STAT4: variants seen among roughly 807,000 people sequenced by gnomAD.
The protein encoded by STAT4 is signal transducer and activator of transcription 4.
A neutral mutation model predicts 110.5 loss-of-function variants in STAT4; 42 were observed. That is an observed-to-expected ratio of 0.38 (90% CI 0.30 to 0.49). The LOEUF (loss-of-function observed/expected upper bound fraction) is 0.49. STAT4 is among the 20% of genes least tolerant of loss of function. The pLI is 0.95. For synonymous variants in STAT4, 284 were observed against 302.2 expected, an observed-to-expected ratio of 0.94 and a Z score of 0.63; for missense variants, 632 against 887.9, an observed-to-expected ratio of 0.71 and a Z score of 3.66.
At chr2:191,095,427 C>T (rs753167067) in intron 3 of STAT4, among the ~76,000 whole-genome samples, 52 of 152,126 alleles carry the variant, frequency 3.4e-4, no homozygotes, top group Non-Finnish European at 5.9e-4. Context: ...CAGACCACAG[C>T]GCAATCAAAT....
chr2:191,031,545 GAA>G lies in STAT4; in HGVS notation c.2045-31_2045-30del. 1 of 1,585,606 alleles carries G rather than the reference GAA, an allele frequency of 6.3e-7. No individual in the cohort carries two copies. Among genetic ancestry groups the G allele is most frequent in the Non-Finnish European group, 8.6e-7 (1 of 1,161,830 alleles). On this transcript the variant is annotated intron_variant, in intron 21 of 23. Coordinates refer to ENST00000392320, the MANE Select transcript of STAT4 (RefSeq NM_003151.4). The surrounding 1 kb of genome is among the most constrained non-coding windows in gnomAD (Gnocchi z 4.8). ...GAAAACAAAAAGGCACAATGTTGGG[GAA>G]AAAAATGTCAATATTATCAATAAAA...
intron 1 of STAT4, among the ~76,000 whole-genome samples, chr2:191,149,353 T>TA (rs34160352): frequency 2.6e-5 from 4 of 152,076 alleles, no homozygotes; most frequent in African/African-American, 4.8e-5. Flanking sequence ...TTAAAATTTA[T>TA]AAAAAAACGT....
Position 191,146,228 on chromosome 2 carries a change from T to A in STAT4, c.273+385A>T, listed in dbSNP as rs117155284. On this transcript the variant is annotated intron_variant, in intron 3 of 23. Coordinates refer to ENST00000392320, the MANE Select transcript of STAT4 (RefSeq NM_003151.4). The surrounding 1 kb of genome is among the most constrained non-coding windows in gnomAD (Gnocchi z 4.5). ...TCTGTAAGAATACATTCACTCATGA[T>A]GCTCTCATTTAGGAATGAGAACAAT... is the stretch of plus-strand genomic sequence containing the variant. Among the ~76,000 whole-genome samples the A allele has an allele frequency of 7.0e-4, 107 of 152,300 alleles. No individual in the cohort carries two copies. In the East Asian group the frequency reaches 0.019, roughly 27 times the overall value.
rs372012413 is a variant in STAT4 at position 191,076,247 on chromosome 2, C to T, written c.352G>A (p.Ala118Thr). Residue 118 changes from alanine to threonine, a missense_variant, in exon 4 of 24, where the codon GCA becomes ACA. Coordinates refer to ENST00000392320, the MANE Select transcript of STAT4 (RefSeq NM_003151.4). ...ATTACCTGGACAGGCATGTTGGCTG[C>T]AGCCAATATTCTCCTCTCTTCCCTT... ...CLREERRILAAANMPVQGPLE... is the reference protein window; with the variant it reads ...CLREERRILATANMPVQGPLE... The T allele has an allele frequency of 9.9e-6, 16 of 1,613,402 alleles. No homozygotes were observed. The highest frequency in any genetic ancestry group is 1.4e-5 in the Non-Finnish European group (16 of 1,179,744).
rs961161444 is a variant in STAT4, at chr2:191,031,386, C to T, written c.2111+64G>A. The stretch of plus-strand genomic sequence containing the variant: ...TCTCAGTTATGTGTACTCTGCTCTA[C>T]CTTTAAATCTCCTATAGGAAAGCTT... On this transcript the variant is annotated intron_variant, in intron 22 of 23. Transcript: ENST00000392320. The surrounding 1 kb of genome is among the most constrained non-coding windows in gnomAD (Gnocchi z 4.8). 1 of 1,507,290 alleles carries T rather than the reference C, an allele frequency of 6.6e-7. No individual in the cohort carries two copies. The highest frequency in any genetic ancestry group is 9.1e-7 in the Non-Finnish European group (1 of 1,096,982). 93.4% of individuals were successfully genotyped at this position (1,507,290 alleles called of 1,614,324 possible).
At chr2:191,067,230 T>C (rs1477958243) in intron 6 of STAT4, among the ~76,000 whole-genome samples, 6 of 152,048 alleles carry the variant, frequency 3.9e-5, no homozygotes, top group Non-Finnish European at 8.8e-5. Flanking sequence ...TTTATTGACA[T>C]AGTGGTGGGG....
chr2:191,073,255 C>G (rs778776782), intron 4 of STAT4, 65 bp from the exon 5 acceptor site: 13 of 1,335,458 alleles, frequency 9.7e-6, no homozygotes, highest in Non-Finnish European at 1.3e-5. Flanking sequence ...GCAATACATA[C>G]CGCATACAAT....
At chr2:191,085,066 A>T (rs1188768685) in intron 3 of STAT4, among the ~76,000 whole-genome samples, 1 of 151,560 alleles carries the variant, frequency 6.6e-6, no homozygotes, top group African/African-American at 2.4e-5. Flanking sequence ...AAAAAAAAAA[A>T]TGGGAGAGAG....
At position 191,032,775 on chromosome 2, in the gene STAT4, C is replaced by A; in HGVS notation, c.2044+183G>T. The A allele has an allele frequency of 4.9e-6, 3 of 610,022 alleles. No individual in the cohort carries two copies. Among genetic ancestry groups the A allele is most frequent in the South Asian group, 2.3e-5 (1 of 43,762 alleles). The allele number at this position is 610,022 out of a possible 1,614,324, so 37.8% of individuals were successfully genotyped here. A position where few individuals can be genotyped will look rare whatever the true frequency, so the allele number is the denominator to read the frequency against. On this transcript the variant is annotated intron_variant, in intron 21 of 23. Transcript: ENST00000392320. This position sits in a 1 kb window ranked among gnomAD's most constrained non-coding sequence, Gnocchi z 4.9. ...TACTCGCTAGTGTTAGAAAGCCCAG[C>A]GGTCCCTTTTCAGGAACTGCTGACA... is the stretch of plus-strand genomic sequence containing the variant.
intron 16 of STAT4, among the ~76,000 whole-genome samples, chr2:191,038,656 C>T (rs1696108485): frequency 6.6e-6 from 1 of 152,148 alleles, no homozygotes; most frequent in Non-Finnish European, 1.5e-5. Flanking sequence ...TGCTTTGTGA[C>T]TTGAGGCCAA....
chr2:191,058,916 A>T lies in STAT4; in HGVS notation c.1035-147T>A, dbSNP rs1213414301. ...CTACAGTTATATGTTAGTGTGTTTTAAAAATGTATAATGCCTCTTTAGTTT... is the reference window on the plus strand; with the variant it reads ...CTACAGTTATATGTTAGTGTGTTTTTAAAATGTATAATGCCTCTTTAGTTT... On this transcript the variant is annotated intron_variant, in intron 10 of 23. Transcript: ENST00000392320. The surrounding 1 kb of genome is among the most constrained non-coding windows in gnomAD (Gnocchi z 4.3). 7.5e-6 allele frequency: 4 copies of T among 533,544 alleles called. No individual in the cohort carries two copies. The highest frequency in any genetic ancestry group is 1.3e-5 in the Non-Finnish European group (4 of 304,798). 33.1% of individuals were successfully genotyped at this position (533,544 alleles called of 1,614,324 possible). A position where few individuals can be genotyped will look rare whatever the true frequency, so the allele number is the denominator to read the frequency against.
At position 191,043,226 on chromosome 2, in the gene STAT4, TAA is replaced by T. The variant is rs902559467; in HGVS notation, c.1252-2080_1252-2079del. ...TAATAAAGAACCACTTAAAATATAATAAGAGAAATAGACAAGTCAGTAAAAAG... is the reference window on the plus strand; with the variant it reads ...TAATAAAGAACCACTTAAAATATAATGAGAAATAGACAAGTCAGTAAAAAG... On this transcript the variant is annotated intron_variant, in intron 14 of 23. Transcript: ENST00000392320. This position sits in a 1 kb window ranked among gnomAD's most constrained non-coding sequence, Gnocchi z 4.8. Among the ~76,000 whole-genome samples the T allele has an allele frequency of 6.6e-6, 1 of 151,730 alleles. No individual in the cohort carries two copies. The highest frequency in any genetic ancestry group is 1.5e-5 in the Non-Finnish European group (1 of 67,948).
chr2:191,077,730 T>C lies in STAT4; in HGVS notation c.274-1405A>G, dbSNP rs1697355628. On this transcript the variant is annotated intron_variant, in intron 3 of 23. Transcript: ENST00000392320. The surrounding 1 kb of genome is among the most constrained non-coding windows in gnomAD (Gnocchi z 4.1). ...CTTCTATTTGTTTTATTAAATGATG[T>C]ATGTTAATTACCACTTCTATTTGTA... Among the ~76,000 whole-genome samples the C allele has an allele frequency of 6.6e-6, 1 of 152,236 alleles. No individual in the cohort carries two copies. The highest frequency in any genetic ancestry group is 1.5e-5 in the Non-Finnish European group (1 of 68,034).
At position 191,061,844 on chromosome 2, in the gene STAT4, G is replaced by A. The variant is rs529629796; in HGVS notation, c.942-23C>T. ...GAGCTAGATGAAAAGGAAATAAAGC[G>A]CATCATTTGAAAACACTGAAAATAT... On this transcript the variant is annotated intron_variant, in intron 9 of 23. Coordinates refer to ENST00000392320, the MANE Select transcript of STAT4 (RefSeq NM_003151.4). The surrounding 1 kb of genome is among the most constrained non-coding windows in gnomAD (Gnocchi z 6.2). The A allele has an allele frequency of 5.4e-5, 87 of 1,601,758 alleles. No homozygotes were observed. Among genetic ancestry groups the A allele is most frequent in the African/African-American group, 1.9e-4 (14 of 74,420 alleles).
chr2:191,036,012 A>G lies in STAT4; in HGVS notation c.1570+152T>C. 4 of 980,154 alleles carry G rather than the reference A, an allele frequency of 4.1e-6. No homozygotes were observed. The South Asian group carries it at 5.5e-5, about 13-fold the overall frequency. 60.7% of individuals were successfully genotyped at this position (980,154 alleles called of 1,614,324 possible). A position where few individuals can be genotyped will look rare whatever the true frequency, so the allele number is the denominator to read the frequency against. ...GACTTTCCTGAGAATTAAAAATAATATAACACTTAGTTCTGTGCCTGGCAA... is the reference window on the plus strand; with the variant it reads ...GACTTTCCTGAGAATTAAAAATAATGTAACACTTAGTTCTGTGCCTGGCAA... On this transcript the variant is annotated intron_variant, in intron 17 of 23. Coordinates refer to ENST00000392320, the MANE Select transcript of STAT4 (RefSeq NM_003151.4).
Position 191,058,169 on chromosome 2 carries a change from A to T in STAT4, c.1112+33T>A, listed in dbSNP as rs766376963. 12 of 1,613,968 alleles carry T rather than the reference A, an allele frequency of 7.4e-6. No homozygotes were observed. Among genetic ancestry groups the T allele is most frequent in the Non-Finnish European group, 1.0e-5 (12 of 1,179,886 alleles). ...TCAGGTAAAATAAATTTACAAGAGC[A>T]GCAACAAAGTTTCCACAAAGTAAAT... On this transcript the variant is annotated intron_variant, in intron 12 of 23. Coordinates refer to ENST00000392320, the MANE Select transcript of STAT4 (RefSeq NM_003151.4). This position sits in a 1 kb window ranked among gnomAD's most constrained non-coding sequence, Gnocchi z 4.3.
Position 191,050,137 on chromosome 2 carries a change from A to C in STAT4, c.1251+4353T>G, listed in dbSNP as rs908140596. ...CAGTCTGTGGCTAAAACTGTCATTT[A>C]TCAGTTAAAGCCCACTGACAAAGAG... is the stretch of plus-strand genomic sequence containing the variant. On this transcript the variant is annotated intron_variant, in intron 14 of 23. Transcript: ENST00000392320. The surrounding 1 kb of genome is among the most constrained non-coding windows in gnomAD (Gnocchi z 4.3). Among the ~76,000 whole-genome samples the C allele has an allele frequency of 1.8e-4, 28 of 152,244 alleles. No individual in the cohort carries two copies. The highest frequency in any genetic ancestry group is 6.5e-4 in the African/African-American group (27 of 41,472).
intron 3 of STAT4, among the ~76,000 whole-genome samples, chr2:191,132,350 G>A (rs1020719553): frequency 6.6e-6 from 1 of 151,758 alleles, no homozygotes; most frequent in African/African-American, 2.4e-5. Flanking sequence ...TAGCAAGTCA[G>A]GGTGTCCTTT....
rs1697794471 is a variant in STAT4, at chr2:191,091,447, A to G, written c.274-15122T>C. ...TTAAAATCTGAGAAGACACATTAAA[A>G]ACATAAATTCTAAATGTGAGAGACT... On this transcript the variant is annotated intron_variant, in intron 3 of 23. Transcript: ENST00000392320. This position sits in a 1 kb window ranked among gnomAD's most constrained non-coding sequence, Gnocchi z 5.4. Among the ~76,000 whole-genome samples, 1 of 152,218 alleles carries G rather than the reference A, an allele frequency of 6.6e-6. No homozygotes were observed.
Sources: allele counts gnomAD v4.1 joint callset (sites outside exome capture counted in the v4.1 genomes callset), GRCh38; gene constraint gnomAD v4.1.1; non-coding constraint Gnocchi (gnomAD v3.1); transcripts MANE v1.5; gene names NCBI Gene and HGNC (gene_info 2026-07-23, HGNC 2026-07-21).